Variants in LPIN1 observed in about 807,000 individuals in gnomAD.
LPIN1 encodes lipin 1.
LPIN1 carries 71 observed loss-of-function variants against 107.5 expected under a neutral mutation model. The observed-to-expected ratio is 0.66, with a 90% CI of 0.55 to 0.80. The LOEUF (loss-of-function observed/expected upper bound fraction) is 0.80. Ranked by LOEUF, LPIN1 falls within the 30% of genes least tolerant of loss-of-function variation. The pLI is 0.00. For missense variants in LPIN1, 1,043 were observed against 1,160.6 expected (o/e 0.90, Z 1.47); for synonymous variants, 445 against 452.6 (o/e 0.98, Z 0.21).
intron 1 of LPIN1, among the ~76,000 whole-genome samples, chr2:11,678,607 C>A (rs1661549671): frequency 1.3e-5 from 2 of 152,214 alleles, no homozygotes; most frequent in South Asian, 4.1e-4. Flanking sequence ...CAACCTCCCG[C>A]TGCTGGACCC....
intron 1 of LPIN1, among the ~76,000 whole-genome samples, chr2:11,752,519 C>T (rs1667983908): frequency 7.1e-6 from 1 of 140,958 alleles, no homozygotes; most frequent in African/African-American, 2.8e-5. Flanking sequence ...GCAAGCTCCG[C>T]CTCCCGGGTT....
rs150492189 is a variant in LPIN1 at position 11,802,970 on chromosome 2, C to T, written c.1950C>T (p.Gly650=). The T allele has an allele frequency of 2.5e-5, 40 of 1,613,224 alleles. No individual in the cohort carries two copies. Among genetic ancestry groups the T allele is most frequent in the African/African-American group, 4.0e-5 (3 of 74,920 alleles). ...ERAAAKPSNA[G]HLPLLPNVSY... ...CAGCTGCCAAGCCATCAAACGCAGG[C>T]CACCTCCCTCTTCTGCCTAATGTCA... Residue 650 remains glycine, a synonymous_variant, in exon 15 of 21, where the codon GGC becomes GGT. Coordinates refer to ENST00000674199, the MANE Select transcript of LPIN1 (RefSeq NM_001349206.2).
upstream of LPIN1, among the ~76,000 whole-genome samples, chr2:11,744,966 G>A (rs1412133970): frequency 7.2e-5 from 11 of 152,218 alleles, no homozygotes; most frequent in Non-Finnish European, 1.2e-4. Context: ...CAGCGGGAGC[G>A]TGTCCACACT....
chr2:11,759,141 CTT>C (rs761747325), intron 1 of LPIN1, among the ~76,000 whole-genome samples: 1 of 83,376 alleles, frequency 1.2e-5, no homozygotes, highest in African/African-American at 4.9e-5. Context: ...TCTTTTCTTT[CTT>C]TCTTTCTTTC....
chr2:11,746,297 C>G (rs1321438702), upstream of LPIN1, among the ~76,000 whole-genome samples: 2 of 152,212 alleles, frequency 1.3e-5, no homozygotes, highest in East Asian at 3.8e-4. Context: ...GGTGGTTTAC[C>G]TGGACTTTTA....
chr2:11,800,882 G>A (rs1251357602), intron 14 of LPIN1, among the ~76,000 whole-genome samples: 1 of 152,166 alleles, frequency 6.6e-6, no homozygotes, highest in African/African-American at 2.4e-5. Context: ...TATATATACT[G>A]GGTATCAGCC....
chr2:11,802,836 A>T (rs765511587), intron 14 of LPIN1, 71 bp from the exon 15 acceptor site: 55 of 1,572,166 alleles, frequency 3.5e-5, no homozygotes, highest in Non-Finnish European at 4.8e-5. Context: ...TCATTGATTA[A>T]AGGCTAATGC....
intron 1 of LPIN1, among the ~76,000 whole-genome samples, chr2:11,759,349 C>T (rs1349640334): frequency 6.6e-6 from 1 of 152,012 alleles, no homozygotes; most frequent in African/African-American, 2.4e-5. Context: ...GTGTTTGTGT[C>T]CCTGGGTACT....
At chr2:11,757,903 C>T (rs1224426921) in intron 1 of LPIN1, among the ~76,000 whole-genome samples, 1 of 152,172 alleles carries the variant, frequency 6.6e-6, no homozygotes, top group Non-Finnish European at 1.5e-5. Context: ...AAACCCTGTA[C>T]CCATTAAACA....
intron 1 of LPIN1, among the ~76,000 whole-genome samples, chr2:11,699,491 C>G (rs1455750541): frequency 6.6e-6 from 1 of 151,930 alleles, no homozygotes; most frequent in Non-Finnish European, 1.5e-5. Context: ...GACACCAGAA[C>G]GCTCACCTTT....
chr2:11,818,269 A>T (rs940302642), intron 18 of LPIN1: 1 of 152,234 alleles, frequency 6.6e-6, no homozygotes, highest in African/African-American at 2.4e-5. Context: ...AGGAAGAATT[A>T]ATATCTCAAA....
At chr2:11,699,592 G>A (rs67979481) in intron 1 of LPIN1, among the ~76,000 whole-genome samples, 30,742 of 151,956 alleles carry the variant, frequency 0.2, 4,294 homozygotes, top group African/African-American at 0.39. Context: ...AAGCCATGTC[G>A]CCGAGGAAGC....
intron 7 of LPIN1, among the ~76,000 whole-genome samples, chr2:11,781,521 A>T (rs1253872667): frequency 1.3e-5 from 2 of 152,200 alleles, no homozygotes; most frequent in Non-Finnish European, 2.9e-5. Context: ...TCTTTTCTGT[A>T]ACTGGAAATC....
chr2:11,796,686 G>A (rs866430443), intron 14 of LPIN1, among the ~76,000 whole-genome samples: 3 of 152,166 alleles, frequency 2.0e-5, no homozygotes, highest in Admixed American at 6.5e-5. Flanking sequence ...AGGCACCAGG[G>A]TATCGATATT....
chr2:11,805,127 CATCGCTAAGCTGTA>C lies in LPIN1; in HGVS notation c.2221_2234del (p.Ile741ProfsTer2). 6.2e-7 allele frequency: 1 copy of C among 1,614,086 alleles called. No homozygotes were observed. The highest frequency in any genetic ancestry group is 8.5e-7 in the Non-Finnish European group (1 of 1,179,932). ...TTGGGAAGGATTGGACCCATCAGGG[CATCGCTAAGCTGTA>C]CCATAAAGTGAGCCAGTGAGTACAG... On this transcript the variant is annotated frameshift_variant, in exon 17 of 21. Transcript: ENST00000674199. LOFTEE classifies it high-confidence loss of function.
chr2:11,677,813 C>A, intron 1 of LPIN1: 1 of 1,200,404 alleles, frequency 8.3e-7, no homozygotes, highest in South Asian at 1.3e-5. Flanking sequence ...CTGATGGGAC[C>A]CGGGGAACAT....
upstream of LPIN1, among the ~76,000 whole-genome samples, chr2:11,722,997 T>G (rs189452564): frequency 6.6e-6 from 1 of 152,226 alleles, no homozygotes; most frequent in Non-Finnish European, 1.5e-5. Context: ...CTTTGAACAT[T>G]AGAGCATACT....
chr2:11,760,455 A>G lies in LPIN1; in HGVS notation c.-9-5078A>G, dbSNP rs561281293. The stretch of plus-strand genomic sequence containing the variant: ...GGCACCTCAGGAGGCCGAGGCTGGC[A>G]GATCACTCCCGATTAGGAGCTGGAG... On this transcript the variant is annotated intron_variant, in intron 1 of 20. Coordinates refer to ENST00000674199, the MANE Select transcript of LPIN1 (RefSeq NM_001349206.2). Among the ~76,000 whole-genome samples, 5 of 152,380 alleles carry G rather than the reference A, an allele frequency of 3.3e-5. No individual in the cohort carries two copies. In the South Asian group the frequency reaches 1.0e-3, roughly 32 times the overall value.
chr2:11,824,927 A>T lies in LPIN1; in HGVS notation c.*136A>T. On this transcript the variant is annotated 3_prime_UTR_variant, in exon 21 of 21. Transcript: ENST00000674199. ...GGCCTGACAGCAGAGAGAATTGAGA[A>T]GCATTTCTCCCCTGCCCCACCCCGG... 6.9e-6 allele frequency: 7 copies of T among 1,013,682 alleles called. No homozygotes were observed. The highest frequency in any genetic ancestry group is 1.0e-5 in the Non-Finnish European group (7 of 674,288). The allele number at this position is 1,013,682 out of a possible 1,614,324, so 62.8% of individuals were successfully genotyped here.
Sources: gnomAD v4.1 joint callset for allele counts (sites outside exome capture counted in the v4.1 genomes callset) on GRCh38, gnomAD v4.1.1 for gene constraint, MANE v1.5 for transcripts, NCBI Gene and HGNC (gene_info 2026-07-23, HGNC 2026-07-21) for gene names.